DACH2: variants seen among roughly 807,000 people sequenced by gnomAD.
DACH2 encodes the protein dachshund homolog 2.
DACH2 carries 17 observed loss-of-function variants against 35.8 expected under a neutral mutation model. That is an observed-to-expected ratio of 0.48 (90% CI 0.33 to 0.71). The LOEUF is 0.71. DACH2 is among the 30% of genes least tolerant of loss of function. DACH2 has a pLI of 0.02. For missense variants in DACH2, 469 were observed against 472.7 expected, an observed-to-expected ratio of 0.99 and a Z score of 0.07; for synonymous variants, 195 against 177.3, an observed-to-expected ratio of 1.10 and a Z score of -0.79.
At chrX:86,739,172 C>T (rs2041627665) in intron 6 of DACH2, among the ~76,000 whole-genome samples, 1 of 111,762 alleles carries the variant, frequency 8.9e-6, no homozygotes, top group South Asian at 3.7e-4. Context: ...CCATGCCCAG[C>T]CTATTAAAAT....
intron 3 of DACH2, among the ~76,000 whole-genome samples, chrX:86,546,256 AT>A (rs1444890751): frequency 9.0e-6 from 1 of 110,667 alleles, no homozygotes; most frequent in Non-Finnish European, 1.9e-5. Flanking sequence ...AAGGGAGTAG[AT>A]GTTCAATGTT....
At chrX:86,541,337 T>C (rs1283055664) in intron 3 of DACH2, among the ~76,000 whole-genome samples, 5 of 111,494 alleles carry the variant, frequency 4.5e-5, no homozygotes, top group Admixed American at 2.9e-4. Context: ...TATAGGCTCA[T>C]TGTGGTCCAT....
At chrX:86,284,210 A>G (rs1342143077) in intron 1 of DACH2, among the ~76,000 whole-genome samples, 1 of 111,592 alleles carries the variant, frequency 9.0e-6, no homozygotes, top group African/African-American at 3.3e-5. Flanking sequence ...GTTTTTCCCC[A>G]GTAAGTATGA....
chrX:86,569,407 C>T (rs1314986026), intron 3 of DACH2, among the ~76,000 whole-genome samples: 1 of 111,101 alleles, frequency 9.0e-6, no homozygotes, highest in Non-Finnish European at 1.9e-5. Flanking sequence ...CAACCATTTG[C>T]ATTATCAAAA....
chrX:86,753,271 A>C (rs944131949), intron 7 of DACH2, among the ~76,000 whole-genome samples: 6 of 112,169 alleles, frequency 5.3e-5, no homozygotes, highest in Non-Finnish European at 1.1e-4. Flanking sequence ...AATTTCTCCA[A>C]AACAGACATA....
rs138025690 is a variant in DACH2 at position 86,542,934 on chromosome X, T to C, written c.640+28543T>C. Among the ~76,000 whole-genome samples, 1,061 of 112,229 alleles carry C rather than the reference T, an allele frequency of 9.5e-3. 18 individuals are homozygous for C. Among genetic ancestry groups the C allele is most frequent in the African/African-American group, 0.033 (1,016 of 30,866 alleles). ...CAATGAAAATCATCATACTTTTTGG[T>C]ACTGAGTCCATCTGATGTTCACCCG... On this transcript the variant is annotated intron_variant, in intron 3 of 11. Transcript: ENST00000373125.
chrX:86,416,298 G>A (rs1409754307), intron 2 of DACH2, among the ~76,000 whole-genome samples: 2 of 111,957 alleles, frequency 1.8e-5, no homozygotes, highest in African/African-American at 6.5e-5. Context: ...TTATACAATG[G>A]ACTCTCACAG....
At chrX:86,513,881 T>G (rs910222047) in intron 2 of DACH2, among the ~76,000 whole-genome samples, 24 of 112,042 alleles carry the variant, frequency 2.1e-4, no homozygotes, top group African/African-American at 7.8e-4. Context: ...GGGCAGAGAC[T>G]TAATCACTTC....
intron 2 of DACH2, among the ~76,000 whole-genome samples, chrX:86,510,847 A>G (rs756200143): frequency 1.8e-5 from 2 of 111,911 alleles, no homozygotes; most frequent in East Asian, 5.6e-4. Context: ...ACAGACTACA[A>G]ATAACCTTGT....
In DACH2 at chrX:86,393,755, T is replaced by G. The variant is rs770537032; in HGVS notation, c.527+16893T>G. On this transcript the variant is annotated intron_variant, in intron 2 of 11. Coordinates refer to ENST00000373125, the MANE Select transcript of DACH2 (RefSeq NM_053281.3). The stretch of plus-strand genomic sequence containing the variant: ...TAAGCAGCTAGAAATAGAGTTTAAT[T>G]TGGGTGAACTTGATATTTCTGTAAC... Among the ~76,000 whole-genome samples, 4 of 111,009 alleles carry G rather than the reference T, an allele frequency of 3.6e-5. No individual in the cohort carries two copies. In the South Asian group the frequency reaches 1.5e-3, roughly 42 times the overall value.
intron 1 of DACH2, chrX:86,161,382 G>T (rs1458578757): frequency 5.4e-6 from 5 of 928,461 alleles, no homozygotes; most frequent in Non-Finnish European, 7.1e-6. Context: ...CATTACAGGT[G>T]TTAGCAGATC....
intron 1 of DACH2, among the ~76,000 whole-genome samples, chrX:86,349,935 G>C (rs1020230585): frequency 3.6e-5 from 4 of 111,846 alleles, no homozygotes; most frequent in Admixed American, 9.5e-5. Context: ...GGAGGCTGAC[G>C]TGGGCTGATC....
At chrX:86,220,027 G>A (rs1157072989) in intron 1 of DACH2, among the ~76,000 whole-genome samples, 1 of 103,570 alleles carries the variant, frequency 9.7e-6, no homozygotes, top group Non-Finnish European at 2.0e-5. Flanking sequence ...AAGGCCGGGC[G>A]TGGTGGTGCA....
At chrX:86,209,634 A>C (rs1448629815) in intron 1 of DACH2, among the ~76,000 whole-genome samples, 1 of 110,981 alleles carries the variant, frequency 9.0e-6, no homozygotes, top group Non-Finnish European at 1.9e-5. Flanking sequence ...TGCAGATAAC[A>C]CAGGCTCCCC....
chrX:86,727,921 A>G (rs1432791362), intron 6 of DACH2, among the ~76,000 whole-genome samples: 1 of 112,307 alleles, frequency 8.9e-6, no homozygotes, highest in Non-Finnish European at 1.9e-5. Context: ...GGGATAAAAC[A>G]TTGTTGTAAA....
In DACH2 at chrX:86,217,753, AAAAG is replaced by A. The variant is rs370862863; in HGVS notation, c.488+68649_488+68652del. 2.8e-3 allele frequency among the ~76,000 whole-genome samples: 309 copies of A among 112,086 alleles called. 1 individual carries two copies. Among genetic ancestry groups the A allele is most frequent in the African/African-American group, 9.7e-3 (299 of 30,887 alleles). On this transcript the variant is annotated intron_variant, in intron 1 of 11. Transcript: ENST00000373125. ...AAAAAAGAAATACTAGTACTTAAGA[AAAAG>A]AAACAAATATTTTATCATTAATAAC...
intron 2 of DACH2, among the ~76,000 whole-genome samples, chrX:86,398,418 T>C (rs1278360104): frequency 1.8e-5 from 2 of 112,380 alleles, no homozygotes; most frequent in Non-Finnish European, 3.8e-5. Context: ...TAGTTATTTC[T>C]TGCCTTCTGC....
In DACH2 at chrX:86,717,832, A is replaced by T. The variant is rs185141714; in HGVS notation, c.1104+3112A>T. 2.1e-4 allele frequency among the ~76,000 whole-genome samples: 22 copies of T among 105,604 alleles called. No individual in the cohort carries two copies. The East Asian group carries it at 6.1e-3, about 29-fold the overall frequency. 91.7% of individuals were successfully genotyped at this position (105,604 alleles called of 115,157 possible). On this transcript the variant is annotated intron_variant, in intron 6 of 11. Coordinates refer to ENST00000373125, the MANE Select transcript of DACH2 (RefSeq NM_053281.3). Reference sequence around the variant, plus strand: ...TACTATGATCCTAAAAAAGTGCAAGATATATATTTTTATATATATTCATAT... The same window carrying T: ...TACTATGATCCTAAAAAAGTGCAAGTTATATATTTTTATATATATTCATAT...
At chrX:86,618,096 A>T (rs2040027769) in intron 3 of DACH2, among the ~76,000 whole-genome samples, 2 of 111,379 alleles carry the variant, frequency 1.8e-5, no homozygotes, top group Admixed American at 1.9e-4. Flanking sequence ...GGCTACACAG[A>T]TAAACACTAT....
Sources: gnomAD v4.1 joint callset for allele counts (sites outside exome capture counted in the v4.1 genomes callset) on GRCh38, gnomAD v4.1.1 for gene constraint, MANE v1.5 for transcripts, NCBI Gene and HGNC (gene_info 2026-07-23, HGNC 2026-07-21) for gene names.